The following SNX13 variants were observed in gnomAD, a reference collection of about 807,000 sequenced individuals.
SNX13 encodes the protein sorting nexin 13, also known as sorting nexin-13.
In SNX13, 45 loss-of-function variants were observed where a neutral mutation model predicts 133.6. That is an observed-to-expected ratio of 0.34 (90% CI 0.27 to 0.43). The LOEUF (loss-of-function observed/expected upper bound fraction) is 0.43. Ranked by LOEUF, SNX13 falls within the 20% of genes least tolerant of loss-of-function variation. The pLI is 1.00. For synonymous variants in SNX13, 414 were observed against 373.9 expected (o/e 1.11, Z -1.24); for missense variants, 1,032 against 1,145.1 (o/e 0.90, Z 1.43).
At chr7:17,935,176 T>C (rs887177203) in intron 1 of SNX13, among the ~76,000 whole-genome samples, 5 of 152,204 alleles carry the variant, frequency 3.3e-5, no homozygotes, top group African/African-American at 1.2e-4. Flanking sequence ...AATGGAATAC[T>C]AATTGGGCTT....
chr7:17,921,116 C>A (rs1327529739), intron 1 of SNX13, among the ~76,000 whole-genome samples: 2 of 152,106 alleles, frequency 1.3e-5, no homozygotes, highest in African/African-American at 4.8e-5. Context: ...CTTGCACAAT[C>A]AATCCAAACC....
intron 1 of SNX13, among the ~76,000 whole-genome samples, chr7:17,928,694 G>T (rs1357174025): frequency 6.6e-6 from 1 of 152,114 alleles, no homozygotes; most frequent in Non-Finnish European, 1.5e-5. Context: ...TGCTTTTTAG[G>T]AATCTGATGT....
chr7:17,833,181 T>C (rs1339451320), intron 15 of SNX13, among the ~76,000 whole-genome samples: 1 of 151,638 alleles, frequency 6.6e-6, no homozygotes, highest in Non-Finnish European at 1.5e-5. Flanking sequence ...TAAATACTTC[T>C]GAATTGAATC....
chr7:17,925,091 TC>T (rs1800592183), intron 1 of SNX13, among the ~76,000 whole-genome samples: 1 of 152,058 alleles, frequency 6.6e-6, no homozygotes, highest in Non-Finnish European at 1.5e-5. Flanking sequence ...TGCCTGGAAT[TC>T]CTGCTACTCT....
At chr7:17,902,285 CTTAA>C (rs1797925903) in intron 1 of SNX13, among the ~76,000 whole-genome samples, 1 of 128,784 alleles carries the variant, frequency 7.8e-6, no homozygotes, top group African/African-American at 3.0e-5. Flanking sequence ...AGATTCTTTC[CTTAA>C]TTAAGTTTGA....
intron 12 of SNX13, among the ~76,000 whole-genome samples, chr7:17,844,312 G>A (rs1409706762): frequency 6.6e-6 from 1 of 151,920 alleles, no homozygotes; most frequent in Non-Finnish European, 1.5e-5. Context: ...AGTGGAAATG[G>A]AAAAATTCCT....
At chr7:17,866,202 C>G (rs2128342427) in intron 9 of SNX13, among the ~76,000 whole-genome samples, 1 of 150,744 alleles carries the variant, frequency 6.6e-6, no homozygotes, top group South Asian at 2.1e-4. Flanking sequence ...AGGCAAGAGA[C>G]AATCCACAGA....
chr7:17,937,870 C>A (rs1227120449), intron 1 of SNX13, among the ~76,000 whole-genome samples: 1 of 152,196 alleles, frequency 6.6e-6, no homozygotes, highest in Non-Finnish European at 1.5e-5. Context: ...AATCCAGGCA[C>A]ATACTACAAT....
At chr7:17,822,362 T>A (rs1219031082) in intron 17 of SNX13, among the ~76,000 whole-genome samples, 2 of 152,150 alleles carry the variant, frequency 1.3e-5, no homozygotes, top group African/African-American at 4.8e-5. Flanking sequence ...CATTTCTTTA[T>A]CTTTCTGCAC....
intron 5 of SNX13, among the ~76,000 whole-genome samples, chr7:17,878,883 G>T (rs1030837274): frequency 6.6e-6 from 1 of 151,978 alleles, no homozygotes; most frequent in African/African-American, 2.4e-5. Context: ...CAGTGCCTCT[G>T]GACAGACTAT....
At position 17,803,435 on chromosome 7, in the gene SNX13, T is replaced by C; in HGVS notation, c.2210A>G (p.Lys737Arg). 1 of 1,609,360 alleles carries C rather than the reference T, an allele frequency of 6.2e-7. No individual in the cohort carries two copies. Among genetic ancestry groups the C allele is most frequent in the East Asian group, 2.2e-5 (1 of 44,790 alleles). Residue 737 changes from lysine (K) to arginine (R), a missense_variant, in exon 21 of 26, where the codon AAG becomes AGG. Lys to Arg is a conservative substitution (Grantham distance 26). Transcript: ENST00000428135. ...KMSERLGQDI[K>R]QSFFKVPPLI... Reference sequence around the variant, plus strand: ...TCTTCTTACCTTAAAAAATGATTGCTTTATGTCTTGACCTAATCTTTCTGA... The same window carrying C: ...TCTTCTTACCTTAAAAAATGATTGCCTTATGTCTTGACCTAATCTTTCTGA...
chr7:17,868,286 C>T (rs1793648510), intron 9 of SNX13, 121 bp downstream of exon 9: 12 of 731,122 alleles, frequency 1.6e-5, no homozygotes, highest in Non-Finnish European at 2.5e-5. Flanking sequence ...GAGATTACTT[C>T]AGAAACATTT....
At chr7:17,909,862 C>T (rs1207856678) in intron 1 of SNX13, among the ~76,000 whole-genome samples, 2 of 152,186 alleles carry the variant, frequency 1.3e-5, no homozygotes, top group Admixed American at 1.3e-4. Context: ...ACATGTACCC[C>T]TGAACTTAAA....
intron 15 of SNX13, 91 bp downstream of exon 15, chr7:17,833,961 C>A: frequency 2.0e-6 from 2 of 1,006,252 alleles, no homozygotes. Flanking sequence ...TGGACTCCAA[C>A]AACATTTTTA....
intron 9 of SNX13, among the ~76,000 whole-genome samples, chr7:17,855,628 T>C (rs1791789476): frequency 1.3e-5 from 2 of 152,222 alleles, no homozygotes; most frequent in South Asian, 2.1e-4. Flanking sequence ...GCATGTCTGT[T>C]TACAACACGG....
intron 15 of SNX13, chr7:17,831,354 CTA>C (rs1788463974): frequency 2.4e-6 from 2 of 847,660 alleles, no homozygotes; most frequent in African/African-American, 3.7e-5. Context: ...TTTTAAAAGC[CTA>C]TGAGACTGTT....
chr7:17,881,554 A>G (rs1457638332), intron 5 of SNX13: 2 of 152,168 alleles, frequency 1.3e-5, no homozygotes, highest in Non-Finnish European at 2.9e-5. Flanking sequence ...AACTTTGAGT[A>G]GATTTTGAGA....
intron 17 of SNX13, among the ~76,000 whole-genome samples, chr7:17,823,532 A>T (rs1222098871): frequency 6.6e-6 from 1 of 152,152 alleles, no homozygotes; most frequent in East Asian, 1.9e-4. Context: ...TTTTTCTAAG[A>T]TTTGTACTTT....
chr7:17,808,201 A>T (rs981639180), intron 20 of SNX13, among the ~76,000 whole-genome samples: 2 of 152,148 alleles, frequency 1.3e-5, no homozygotes, highest in African/African-American at 4.8e-5. Flanking sequence ...GAGGAAACTA[A>T]GAACCTTGAA....
Sources: allele counts gnomAD v4.1 joint callset (sites outside exome capture counted in the v4.1 genomes callset), GRCh38; gene constraint gnomAD v4.1.1; transcripts MANE v1.5; gene names NCBI Gene and HGNC (gene_info 2026-07-23, HGNC 2026-07-21).